The following TOR1AIP1 variants were observed in gnomAD, a reference collection of about 807,000 sequenced individuals.
The protein encoded by TOR1AIP1 is torsin-1A-interacting protein 1.
In TOR1AIP1, 54 loss-of-function variants were observed where a neutral mutation model predicts 63.3. The ratio of observed to expected loss-of-function variants is 0.85; its 90% CI spans 0.69 to 1.07. The LOEUF (loss-of-function observed/expected upper bound fraction) is 1.07. TOR1AIP1 is among the 50% of genes least tolerant of loss of function. The pLI is 0.00. For missense variants in TOR1AIP1, 736 were observed against 715.0 expected (o/e 1.03, Z -0.33); for synonymous variants, 294 against 273.5 (o/e 1.07, Z -0.74).
chr1:179,911,623 T>C lies in TOR1AIP1; in HGVS notation c.908-2375T>C, dbSNP rs376178997. ...ATGTTTTGGAACCTGTCTCAGAAAT[T>C]TAGATAGAGAAAAGAAGACAATTTG... On this transcript the variant is annotated intron_variant, in intron 8 of 9. Coordinates refer to ENST00000606911, the MANE Select transcript of TOR1AIP1 (RefSeq NM_015602.4). 1.2e-4 allele frequency among the ~76,000 whole-genome samples: 19 copies of C among 152,320 alleles called. No homozygotes were observed. The East Asian group carries it at 1.9e-3, about 15-fold the overall frequency.
chr1:179,913,654 T>C, intron 8 of TOR1AIP1: 1 of 702,420 alleles, frequency 1.4e-6, no homozygotes, highest in Non-Finnish European at 2.6e-6. Flanking sequence ...CATTTTATTA[T>C]GGTGTGCTTA....
intron 5 of TOR1AIP1, 141 bp downstream of exon 5, chr1:179,901,529 A>G: frequency 2.2e-6 from 1 of 454,342 alleles, no homozygotes; most frequent in Non-Finnish European, 3.9e-6. Flanking sequence ...ATTTATTAAA[A>G]TTACTGATTT....
At chr1:179,883,744 A>G (rs764770476) in intron 1 of TOR1AIP1, 1 of 455,332 alleles carries the variant, frequency 2.2e-6, no homozygotes, top group South Asian at 1.6e-5. Context: ...TAAATGGACA[A>G]AAGGGATGCT....
chr1:179,904,817 G>A (rs1648578710), intron 6 of TOR1AIP1: 1 of 152,072 alleles, frequency 6.6e-6, no homozygotes, highest in African/African-American at 2.4e-5. Context: ...TAGAGACAGA[G>A]TCTCACTATC....
intron 8 of TOR1AIP1, among the ~76,000 whole-genome samples, chr1:179,908,931 C>T (rs535992291): frequency 6.6e-5 from 10 of 152,012 alleles, no homozygotes; most frequent in East Asian, 1.9e-4. Context: ...TTTGGGAGGC[C>T]GAGGTGGGTG....
At chr1:179,888,731 G>A (rs1571722855) in intron 2 of TOR1AIP1, among the ~76,000 whole-genome samples, 1 of 152,266 alleles carries the variant, frequency 6.6e-6, no homozygotes, top group South Asian at 2.1e-4. Flanking sequence ...ACTTTTATAG[G>A]TGGTTTTCTA....
In TOR1AIP1 at chr1:179,884,695, A is replaced by C. The variant is rs1027636331; in HGVS notation, c.479A>C (p.Asp160Ala). 6.2e-7 allele frequency: 1 copy of C among 1,607,728 alleles called. No homozygotes were observed. Among genetic ancestry groups the C allele is most frequent in the African/African-American group, 1.3e-5 (1 of 74,562 alleles). ...TCTTGTTATGTCTGTTTTTTAGAGG[A>C]TGAAGCATCTTCCCAAACTGATTTA... Reference protein sequence around the residue: ...GLRDSHSSEEDEASSQTDLSQ... With the variant: ...GLRDSHSSEEAEASSQTDLSQ... The change falls in exon 2 of 10, where the codon GAT (aspartate) becomes GCT (alanine). Residue 160 changes from aspartate to alanine, a missense_variant. Around this residue, in one of 2 missense-constraint regions of TOR1AIP1, gnomAD observed 464 missense variants for 371.0 expected, o/e 1.25. Coordinates refer to ENST00000606911, the MANE Select transcript of TOR1AIP1 (RefSeq NM_015602.4).
chr1:179,888,361 C>G (rs1462622928), intron 2 of TOR1AIP1, among the ~76,000 whole-genome samples: 1 of 152,176 alleles, frequency 6.6e-6, no homozygotes, highest in African/African-American at 2.4e-5. Flanking sequence ...GCCACAAACT[C>G]CTGGACTCAA....
In TOR1AIP1 at chr1:179,913,985, C is replaced by T. The variant is rs891948470; in HGVS notation, c.908-13C>T. The T allele has an allele frequency of 3.1e-6, 5 of 1,610,754 alleles. No homozygotes were observed. The highest frequency in any genetic ancestry group is 1.7e-5 in the Admixed American group (1 of 59,784). On this transcript the variant is annotated splice_polypyrimidine_tract_variant and intron_variant, in intron 8 of 9. Transcript: ENST00000606911. ...ATAAGTTGATAGTCTTATTTTATTACTCTCACCATTAGATGACAGCATTCT... is the reference window on the plus strand; with the variant it reads ...ATAAGTTGATAGTCTTATTTTATTATTCTCACCATTAGATGACAGCATTCT...
intron 5 of TOR1AIP1, among the ~76,000 whole-genome samples, 153 bp downstream of exon 5, chr1:179,901,541 G>T (rs988379523): frequency 5.9e-5 from 9 of 151,608 alleles, no homozygotes; most frequent in Non-Finnish European, 1.3e-4. Context: ...TACTGATTTC[G>T]TGTTCATCCG....
In TOR1AIP1 at chr1:179,882,658, G is replaced by C. The variant is rs1299122146; in HGVS notation, c.156G>C (p.Gln52His). 5.7e-6 allele frequency: 9 copies of C among 1,585,308 alleles called. No homozygotes were observed. The highest frequency in any genetic ancestry group is 2.2e-5 in the East Asian group (1 of 44,652). Residue 52 changes from glutamine to histidine, a missense_variant, in exon 1 of 10, where the codon CAG becomes CAC. Gln to His is a conservative substitution (Grantham distance 24). Coordinates refer to ENST00000606911, the MANE Select transcript of TOR1AIP1 (RefSeq NM_015602.4). ...CGTACAGAACTCCTCCGTCGCGCCAGGGCCGGCGGGAAGTGAGGTTCTCGG... is the reference window on the plus strand; with the variant it reads ...CGTACAGAACTCCTCCGTCGCGCCACGGCCGGCGGGAAGTGAGGTTCTCGG... ...APAYRTPPSR[Q>H]GRREVRFSDE...
At chr1:179,898,913 A>T (rs1044663567) in intron 3 of TOR1AIP1, among the ~76,000 whole-genome samples, 7 of 151,352 alleles carry the variant, frequency 4.6e-5, no homozygotes, top group East Asian at 1.9e-4. Context: ...TTTTTTTTTT[A>T]AATAAAAAAA....
chr1:179,901,513 T>A (rs1648464888), intron 5 of TOR1AIP1, 125 bp downstream of exon 5: 1 of 470,820 alleles, frequency 2.1e-6, no homozygotes. Flanking sequence ...GAATTTTTCT[T>A]TAAATATTTA....
chr1:179,914,479 T>C (rs1028779946), intron 9 of TOR1AIP1, among the ~76,000 whole-genome samples: 2 of 152,192 alleles, frequency 1.3e-5, no homozygotes, highest in Admixed American at 6.5e-5. Flanking sequence ...CCAAGTCTTA[T>C]TGTCCTGAAA....
intron 3 of TOR1AIP1, among the ~76,000 whole-genome samples, chr1:179,897,407 T>G (rs1648322026): frequency 6.6e-6 from 1 of 152,204 alleles, no homozygotes; most frequent in African/African-American, 2.4e-5. Context: ...GTTAAATGAA[T>G]TGGCTCTAGA....
At chr1:179,890,407 C>T (rs891745261) in intron 3 of TOR1AIP1, among the ~76,000 whole-genome samples, 1 of 152,082 alleles carries the variant, frequency 6.6e-6, no homozygotes, top group East Asian at 1.9e-4. Flanking sequence ...TGATTTATTT[C>T]GATAGATAGT....
intron 8 of TOR1AIP1, among the ~76,000 whole-genome samples, chr1:179,909,748 T>G (rs1222222525): frequency 1.3e-5 from 2 of 151,880 alleles, no homozygotes; most frequent in Non-Finnish European, 2.9e-5. Context: ...TCTGGGTTTT[T>G]GGGGGTGTTT....
At chr1:179,911,962 G>GT (rs1190233527) in intron 8 of TOR1AIP1, among the ~76,000 whole-genome samples, 26 of 145,162 alleles carry the variant, frequency 1.8e-4, no homozygotes, top group African/African-American at 6.3e-4. Flanking sequence ...AAAAGCTTGA[G>GT]TTTTTTCTTT....
chr1:179,901,232 G>C (rs747682763), intron 4 of TOR1AIP1, 70 bp from the exon 5 acceptor site: 10 of 1,007,350 alleles, frequency 9.9e-6, no homozygotes, highest in African/African-American at 9.9e-5. Flanking sequence ...TTATTTGCTT[G>C]GTTTTTTTAA....
Sources: allele counts gnomAD v4.1 joint callset (sites outside exome capture counted in the v4.1 genomes callset), GRCh38; gene constraint gnomAD v4.1.1; regional missense constraint gnomAD v4.1.1; transcripts MANE v1.5; gene names NCBI Gene and HGNC (gene_info 2026-07-23, HGNC 2026-07-21).